PDGFC: variants seen among roughly 807,000 people sequenced by gnomAD.
The protein encoded by PDGFC is platelet-derived growth factor C.
Under a neutral mutation model 35.5 loss-of-function variants are expected in PDGFC, and 12 were observed. The observed-to-expected ratio is 0.34, with a 90% CI of 0.22 to 0.55. The LOEUF is 0.55. PDGFC is among the 20% of genes least tolerant of loss of function. PDGFC has a pLI of 0.91. For missense variants in PDGFC, 322 were observed against 412.4 expected (o/e 0.78, Z 1.90); for synonymous variants, 159 against 148.8 (o/e 1.07, Z -0.50).
chr4:156,840,684 C>T (rs2111053284), intron 2 of PDGFC, among the ~76,000 whole-genome samples: 1 of 152,274 alleles, frequency 6.6e-6, no homozygotes, highest in South Asian at 2.1e-4. Context: ...GCCACAGAAA[C>T]TCAATGCTAG....
At chr4:156,950,054 T>C (rs1010636796) in intron 1 of PDGFC, among the ~76,000 whole-genome samples, 12 of 151,978 alleles carry the variant, frequency 7.9e-5, no homozygotes, top group Non-Finnish European at 4.4e-5. Context: ...TCATATGTTT[T>C]AATCAATGAT....
intron 1 of PDGFC, among the ~76,000 whole-genome samples, chr4:156,932,781 G>A (rs183199967): frequency 6.6e-6 from 1 of 150,660 alleles, no homozygotes; most frequent in Non-Finnish European, 1.5e-5. Flanking sequence ...AGCATTAGGA[G>A]ATATATCTAA....
intron 1 of PDGFC, among the ~76,000 whole-genome samples, chr4:156,880,996 TGA>T (rs1032346086): frequency 8.1e-4 from 124 of 152,318 alleles, no homozygotes; most frequent in African/African-American, 2.9e-3. Flanking sequence ...CAACAGGTAT[TGA>T]GAGTGTTGAT....
intron 1 of PDGFC, among the ~76,000 whole-genome samples, chr4:156,898,041 A>G (rs927269972): frequency 7.2e-5 from 11 of 152,204 alleles, no homozygotes; most frequent in African/African-American, 2.4e-4. Flanking sequence ...CCCAACACGT[A>G]TATCTTGAGA....
chr4:156,941,632 C>T (rs930262232), intron 1 of PDGFC, among the ~76,000 whole-genome samples: 6 of 152,118 alleles, frequency 3.9e-5, no homozygotes, highest in Non-Finnish European at 7.3e-5. Flanking sequence ...TGTGTTTGCT[C>T]AATGCTGTTT....
chr4:156,920,647 AC>A (rs1214323935), intron 1 of PDGFC, among the ~76,000 whole-genome samples: 13,769 of 39,688 alleles, frequency 0.35, 1,781 homozygotes, highest in African/African-American at 0.52. Context: ...AAAAGAAAAC[AC>A]ACACACACAC....
intron 1 of PDGFC, among the ~76,000 whole-genome samples, chr4:156,924,593 T>C (rs1731362646): frequency 6.6e-6 from 1 of 152,058 alleles, no homozygotes; most frequent in South Asian, 2.1e-4. Flanking sequence ...AAGATTAAAA[T>C]GCAAAAAGTT....
intron 1 of PDGFC, among the ~76,000 whole-genome samples, chr4:156,869,583 G>C: frequency 6.6e-6 from 1 of 151,986 alleles, no homozygotes; most frequent in East Asian, 1.9e-4. Context: ...GCCCTTCAAC[G>C]CAAGAGTTTT....
intron 1 of PDGFC, among the ~76,000 whole-genome samples, chr4:156,948,192 A>G (rs1731992278): frequency 6.6e-6 from 1 of 151,152 alleles, no homozygotes; most frequent in South Asian, 2.1e-4. Flanking sequence ...TTGATCTTCA[A>G]GGCTCAAGAG....
chr4:156,971,426 G>T lies in PDGFC; in HGVS notation c.-523C>A. On this transcript the variant is annotated 5_prime_UTR_variant, in exon 1 of 6. Coordinates refer to ENST00000502773, the MANE Select transcript of PDGFC (RefSeq NM_016205.3). ...CTCCCCCGCCCCACCCCCCACCCCCGAAGGGGGAGGGGGAAGAAACAAGGC... is the reference window on the plus strand; with the variant it reads ...CTCCCCCGCCCCACCCCCCACCCCCTAAGGGGGAGGGGGAAGAAACAAGGC... 2.7e-6 allele frequency: 1 copy of T among 367,788 alleles called. No individual in the cohort carries two copies. Among genetic ancestry groups the T allele is most frequent in the Non-Finnish European group, 4.8e-6 (1 of 207,282 alleles). 22.8% of individuals were successfully genotyped at this position (367,788 alleles called of 1,614,324 possible).
At chr4:156,873,694 G>C (rs984383194) in intron 1 of PDGFC, among the ~76,000 whole-genome samples, 2 of 152,116 alleles carry the variant, frequency 1.3e-5, no homozygotes, top group Non-Finnish European at 2.9e-5. Context: ...GTAATATAAT[G>C]GCTCGAAGGT....
intron 2 of PDGFC, among the ~76,000 whole-genome samples, chr4:156,813,634 A>G (rs886457529): frequency 2.0e-5 from 3 of 152,122 alleles, no homozygotes; most frequent in Non-Finnish European, 4.4e-5. Context: ...TGAGGGTGGG[A>G]AACAAAAATC....
intron 2 of PDGFC, among the ~76,000 whole-genome samples, chr4:156,840,618 C>T (rs1729178359): frequency 6.6e-6 from 1 of 152,146 alleles, no homozygotes; most frequent in Admixed American, 6.5e-5. Flanking sequence ...GGGCCACTGT[C>T]CTCCAGACCC....
At chr4:156,957,062 T>C (rs1732230148) in intron 1 of PDGFC, among the ~76,000 whole-genome samples, 1 of 151,874 alleles carries the variant, frequency 6.6e-6, no homozygotes, top group Non-Finnish European at 1.5e-5. Flanking sequence ...CAAAACTTAG[T>C]ACCTACTTCC....
chr4:156,839,013 G>A (rs527483195), intron 2 of PDGFC, among the ~76,000 whole-genome samples: 1 of 152,322 alleles, frequency 6.6e-6, no homozygotes, highest in Admixed American at 6.5e-5. Flanking sequence ...ATCAAACAAA[G>A]AAACAGATGG....
intron 1 of PDGFC, among the ~76,000 whole-genome samples, chr4:156,910,399 T>G (rs1296046226): frequency 6.6e-6 from 1 of 152,124 alleles, no homozygotes; most frequent in Admixed American, 6.6e-5. Flanking sequence ...TGAGCAGTAT[T>G]CCACTGCACA....
At chr4:156,957,212 T>A (rs894787747) in intron 1 of PDGFC, among the ~76,000 whole-genome samples, 1 of 151,958 alleles carries the variant, frequency 6.6e-6, no homozygotes, top group East Asian at 1.9e-4. Context: ...ACATTTAATC[T>A]TTTCCTCTCC....
At chr4:156,914,503 T>C (rs565998130) in intron 1 of PDGFC, among the ~76,000 whole-genome samples, 1 of 152,342 alleles carries the variant, frequency 6.6e-6, no homozygotes, top group East Asian at 1.9e-4. Flanking sequence ...CCCTGGACTA[T>C]AACAAGAACT....
At chr4:156,939,022 C>T (rs1301853093) in intron 1 of PDGFC, among the ~76,000 whole-genome samples, 8 of 151,938 alleles carry the variant, frequency 5.3e-5, no homozygotes, top group South Asian at 2.1e-4. Context: ...GTACAGAATA[C>T]AGCCCTCCTT....
Sources: gnomAD v4.1 joint callset for allele counts (sites outside exome capture counted in the v4.1 genomes callset) on GRCh38, gnomAD v4.1.1 for gene constraint, MANE v1.5 for transcripts, NCBI Gene and HGNC (gene_info 2026-07-23, HGNC 2026-07-21) for gene names.